Variants in TSHR observed in about 807,000 individuals in gnomAD.
TSHR encodes the protein thyroid stimulating hormone receptor.
In TSHR, 51 loss-of-function variants were observed where a neutral mutation model predicts 64.1. The ratio of observed to expected loss-of-function variants is 0.80; its 90% confidence interval spans 0.64 to 1.01. The LOEUF (loss-of-function observed/expected upper bound fraction) is 1.01. Among genes scored for constraint, TSHR ranks in the 50% least tolerant of loss-of-function variants. The probability of loss-of-function intolerance (pLI) is 0.00; values close to 1 mark genes in which losing one functional copy is unlikely to be tolerated. For missense variants in TSHR, 877 were observed against 942.8 expected, an observed-to-expected ratio of 0.93 and a Z score of 0.91; for synonymous variants, 361 against 361.9, an observed-to-expected ratio of 1.00 and a Z score of 0.03.
chr14:81,142,959 T>C lies in TSHR; in HGVS notation c.901T>C (p.Cys301Arg), dbSNP rs763974794. The C allele has an allele frequency of 1.2e-6, 2 of 1,614,200 alleles. No individual in the cohort carries two copies. Among genetic ancestry groups the C allele is most frequent in the South Asian group, 2.2e-5 (2 of 91,090 alleles). ...TTGCAGAATCCTTGAGTCCTTGATG[T>C]GTAATGAGAGCAGTATGCAGAGCTT... ...KIRGILESLM[C>R]NESSMQSLRQ... Residue 301 changes from cysteine (C) to arginine (R), a missense_variant, in exon 10 of 10, where the codon TGT becomes CGT. Cys to Arg is a radical substitution (Grantham distance 180). Transcript: ENST00000298171.
intron 8 of TSHR, among the ~76,000 whole-genome samples, chr14:81,119,722 G>C (rs1441062114): frequency 8.1e-6 from 1 of 123,108 alleles, no homozygotes; most frequent in South Asian, 3.3e-4. Context: ...ATAAAGACAC[G>C]TGCACACGTA....
At chr14:81,011,778 G>A (rs770806778) in intron 1 of TSHR, among the ~76,000 whole-genome samples, 2 of 152,054 alleles carry the variant, frequency 1.3e-5, no homozygotes, top group Non-Finnish European at 2.9e-5. Flanking sequence ...TATGAGTTAA[G>A]TGTTTTCTCC....
intron 3 of TSHR, among the ~76,000 whole-genome samples, chr14:81,068,954 T>C (rs1042147754): frequency 1.3e-5 from 2 of 152,218 alleles, no homozygotes; most frequent in African/African-American, 4.8e-5. Flanking sequence ...AAAAATAGAA[T>C]AATTTTTCTA....
rs1408138248 is a variant in TSHR at position 81,144,629 on chromosome 14, C to T, written c.*276C>T. 1.9e-5 allele frequency: 9 copies of T among 476,566 alleles called. No homozygotes were observed. The highest frequency in any genetic ancestry group is 3.6e-5 in the Admixed American group (1 of 27,526). The allele number at this position is 476,566 out of a possible 1,614,324, so 29.5% of individuals were successfully genotyped here. On this transcript the variant is annotated 3_prime_UTR_variant, in exon 10 of 10. Coordinates refer to ENST00000298171, the MANE Select transcript of TSHR (RefSeq NM_000369.5). ...CTAGAAGACTTTCTTGATGCCAAGT[C>T]CAGAGATGTCATTGTGTAGGATGTT...
intron 1 of TSHR, chr14:81,001,114 C>T (rs929630): frequency 0.27 from 43,885 of 162,280 alleles, 6,813 homozygotes; most frequent in South Asian, 0.35. Context: ...TGAGAACTAA[C>T]TTTTATTTTT....
At chr14:81,105,305 A>G in intron 7 of TSHR, 1 of 900,644 alleles carries the variant, frequency 1.1e-6, no homozygotes, top group Non-Finnish European at 1.3e-6. Context: ...AGGCTTCTGT[A>G]TATGTATTTC....
chr14:81,091,322 T>C (rs1243226790), intron 5 of TSHR, among the ~76,000 whole-genome samples, 179 bp downstream of exon 5: 1 of 152,204 alleles, frequency 6.6e-6, no homozygotes, highest in Non-Finnish European at 1.5e-5. Context: ...CCACTGGCTT[T>C]AGCAATGTGG....
At chr14:81,060,236 G>T (rs1201023957) in intron 1 of TSHR, among the ~76,000 whole-genome samples, 1 of 152,070 alleles carries the variant, frequency 6.6e-6, no homozygotes, top group Non-Finnish European at 1.5e-5. Context: ...CTATCTTTGA[G>T]CTTAAACTCA....
intron 1 of TSHR, among the ~76,000 whole-genome samples, chr14:81,057,198 G>T (rs1326315629): frequency 3.3e-5 from 5 of 152,158 alleles, no homozygotes; most frequent in African/African-American, 9.7e-5. Flanking sequence ...ATTACTTGAG[G>T]TCAGGAGTTT....
At position 81,039,555 on chromosome 14, in the gene TSHR, T is replaced by G. The variant is rs149679869; in HGVS notation, c.171-22593T>G. Among the ~76,000 whole-genome samples the G allele has an allele frequency of 1.9e-3, 287 of 151,834 alleles. 1 individual carries two copies. Among genetic ancestry groups the G allele is most frequent in the Middle Eastern group, 0.01 (3 of 294 alleles). The stretch of plus-strand genomic sequence containing the variant: ...GTCCCTGTTTTCATATAACATAATT[T>G]TATATATTAAAAAAACCCTAAAGAC... On this transcript the variant is annotated intron_variant, in intron 1 of 9. Transcript: ENST00000298171.
At chr14:80,978,767 C>G (rs570877699) in intron 1 of TSHR, among the ~76,000 whole-genome samples, 2 of 152,164 alleles carry the variant, frequency 1.3e-5, no homozygotes, top group East Asian at 1.9e-4. Flanking sequence ...GGCTGCCATA[C>G]CCATTTTCTC....
intron 1 of TSHR, among the ~76,000 whole-genome samples, chr14:80,973,297 C>G (rs1887672794): frequency 1.3e-5 from 2 of 148,716 alleles, no homozygotes; most frequent in African/African-American, 2.5e-5. Context: ...CCCAGCTACT[C>G]GGGAGGCTGA....
chr14:81,099,803 C>T (rs1258773813), intron 7 of TSHR, among the ~76,000 whole-genome samples: 1 of 152,204 alleles, frequency 6.6e-6, no homozygotes. Context: ...AAACATCTCA[C>T]TCCTCCTCAT....
At chr14:81,135,902 C>A (rs1004459602) in intron 8 of TSHR, among the ~76,000 whole-genome samples, 1 of 152,192 alleles carries the variant, frequency 6.6e-6, no homozygotes, top group Non-Finnish European at 1.5e-5. Flanking sequence ...GGCAGTTGTT[C>A]CCCCTGCTTG....
intron 1 of TSHR, among the ~76,000 whole-genome samples, chr14:81,005,975 T>A (rs535392874): frequency 6.6e-6 from 1 of 152,298 alleles, no homozygotes; most frequent in East Asian, 1.9e-4. Context: ...TAATTTTATA[T>A]CATAAATGAG....
At chr14:81,044,021 C>T (rs1022360651) in intron 1 of TSHR, among the ~76,000 whole-genome samples, 1 of 152,058 alleles carries the variant, frequency 6.6e-6, no homozygotes, top group South Asian at 2.1e-4. Context: ...AGGACATATG[C>T]ACAGGCAAAG....
At chr14:80,962,306 A>G (rs1887079502) in intron 1 of TSHR, among the ~76,000 whole-genome samples, 1 of 151,994 alleles carries the variant, frequency 6.6e-6, no homozygotes, top group African/African-American at 2.4e-5. Context: ...TTGCCATAAC[A>G]AAGTACCACA....
At chr14:81,024,013 G>A (rs921154892) in intron 1 of TSHR, among the ~76,000 whole-genome samples, 1 of 152,084 alleles carries the variant, frequency 6.6e-6, no homozygotes, top group African/African-American at 2.4e-5. Context: ...ATTCTTCTCA[G>A]TGATTGTCTT....
intron 1 of TSHR, among the ~76,000 whole-genome samples, chr14:81,043,082 T>G (rs1885000728): frequency 6.6e-6 from 1 of 152,048 alleles, no homozygotes; most frequent in Non-Finnish European, 1.5e-5. Context: ...CATTGGAAGT[T>G]CTAGGGCACG....
Sources: allele counts gnomAD v4.1 joint callset (sites outside exome capture counted in the v4.1 genomes callset), GRCh38; gene constraint gnomAD v4.1.1; transcripts MANE v1.5; gene names NCBI Gene and HGNC (gene_info 2026-07-23, HGNC 2026-07-21).